The following WDFY2 variants were observed in gnomAD, a reference collection of about 807,000 sequenced individuals.
WDFY2 encodes the protein WD repeat and FYVE domain-containing protein 2.
Under a neutral mutation model 56.4 loss-of-function variants are expected in WDFY2, and 36 were observed. The observed-to-expected ratio is 0.64, with a 90% confidence interval of 0.49 to 0.84. The LOEUF is 0.84. Among genes scored for constraint, WDFY2 ranks in the 40% least tolerant of loss-of-function variants. The pLI is 0.00. For synonymous variants in WDFY2, 176 were observed against 183.7 expected (o/e 0.96, Z 0.34); for missense variants, 444 against 512.2 (o/e 0.87, Z 1.29).
intron 4 of WDFY2, among the ~76,000 whole-genome samples, chr13:51,709,520 A>G (rs1952161570): frequency 6.6e-6 from 1 of 152,188 alleles, no homozygotes; most frequent in Admixed American, 6.5e-5. Context: ...AAGATCAACA[A>G]AATTGATAGA....
intron 3 of WDFY2, among the ~76,000 whole-genome samples, chr13:51,702,993 G>A (rs576351343): frequency 5.3e-5 from 8 of 152,154 alleles, no homozygotes; most frequent in South Asian, 2.1e-4. Context: ...TATAATGCGC[G>A]ATACAGAAAC....
At chr13:51,627,391 G>A (rs1487339400) in intron 1 of WDFY2, among the ~76,000 whole-genome samples, 3 of 152,058 alleles carry the variant, frequency 2.0e-5, no homozygotes, top group Admixed American at 6.5e-5. Context: ...TTTTTTTAAT[G>A]GAGTCTTGCT....
intron 3 of WDFY2, among the ~76,000 whole-genome samples, chr13:51,701,716 C>A (rs561135961): frequency 1.3e-5 from 2 of 151,978 alleles, no homozygotes; most frequent in South Asian, 2.1e-4. Context: ...TTATTTTATA[C>A]CTTACATTGT....
rs527396672 is a variant in WDFY2, at chr13:51,732,001, T to C, written c.598+4211T>C. 3.9e-5 allele frequency among the ~76,000 whole-genome samples: 6 copies of C among 152,372 alleles called. 1 individual carries two copies. In the East Asian group the frequency reaches 1.2e-3, roughly 29 times the overall value. On this transcript the variant is annotated intron_variant, in intron 6 of 11. Transcript: ENST00000298125. ...CTAGGGATTTAGGAAACTAGTTTTA[T>C]GTTCTTATGCTCCCTCTACTGGTTT...
chr13:51,709,719 C>T (rs1952166839), intron 4 of WDFY2, among the ~76,000 whole-genome samples: 1 of 152,136 alleles, frequency 6.6e-6, no homozygotes, highest in African/African-American at 2.4e-5. Flanking sequence ...CATACACCCT[C>T]CCAAGACTAA....
chr13:51,677,404 T>A (rs1485772619), intron 3 of WDFY2, among the ~76,000 whole-genome samples: 1 of 152,244 alleles, frequency 6.6e-6, no homozygotes, highest in Non-Finnish European at 1.5e-5. Flanking sequence ...TGTTTAAGGT[T>A]CAGGATTCAC....
intron 7 of WDFY2, among the ~76,000 whole-genome samples, chr13:51,744,335 T>C (rs1953045455): frequency 6.6e-6 from 1 of 152,230 alleles, no homozygotes; most frequent in African/African-American, 2.4e-5. Context: ...GTTGGGCAGA[T>C]GTTAGCTTGT....
chr13:51,624,537 C>CAAATAGT (rs1954805217), intron 1 of WDFY2, among the ~76,000 whole-genome samples: 2 of 152,160 alleles, frequency 1.3e-5, no homozygotes, highest in South Asian at 4.1e-4. Context: ...TATTAGTAAA[C>CAAATAGT]AAACAAAGAT....
At chr13:51,724,504 T>G (rs1952563023) in intron 5 of WDFY2, among the ~76,000 whole-genome samples, 1 of 152,232 alleles carries the variant, frequency 6.6e-6, no homozygotes, top group Non-Finnish European at 1.5e-5. Context: ...CCCAGAGTGC[T>G]GGGATTACAG....
chr13:51,738,613 A>G (rs1002122380), intron 6 of WDFY2, among the ~76,000 whole-genome samples: 1 of 152,232 alleles, frequency 6.6e-6, no homozygotes, highest in Non-Finnish European at 1.5e-5. Context: ...TGGCCTAATT[A>G]AATCTGATAT....
At chr13:51,683,448 T>C (rs1293313900) in intron 3 of WDFY2, among the ~76,000 whole-genome samples, 1 of 152,244 alleles carries the variant, frequency 6.6e-6, no homozygotes, top group Non-Finnish European at 1.5e-5. Flanking sequence ...AGGTGAACCA[T>C]GGTTCCCATG....
intron 1 of WDFY2, chr13:51,589,080 G>C (rs1953997673): frequency 1.3e-5 from 2 of 152,102 alleles, no homozygotes. Context: ...TTAAGAGAGG[G>C]GTGAGATTTT....
At chr13:51,621,350 C>T (rs545140378) in intron 1 of WDFY2, among the ~76,000 whole-genome samples, 1 of 152,188 alleles carries the variant, frequency 6.6e-6, no homozygotes, top group South Asian at 2.1e-4. Context: ...ACTGAAAATA[C>T]AAAAATTAGC....
At chr13:51,648,959 C>T (rs1200643433) in intron 1 of WDFY2, among the ~76,000 whole-genome samples, 1 of 152,026 alleles carries the variant, frequency 6.6e-6, no homozygotes, top group Non-Finnish European at 1.5e-5. Flanking sequence ...CCAGCCAAGC[C>T]AATATGGTGA....
chr13:51,733,120 C>T (rs950237078), intron 6 of WDFY2, among the ~76,000 whole-genome samples: 1 of 152,200 alleles, frequency 6.6e-6, no homozygotes, highest in Non-Finnish European at 1.5e-5. Context: ...ACTGCAACCT[C>T]CATCTCTTGG....
intron 4 of WDFY2, among the ~76,000 whole-genome samples, chr13:51,718,559 T>TATAC (rs1952414082): frequency 7.2e-6 from 1 of 138,684 alleles, no homozygotes; most frequent in Non-Finnish European, 1.6e-5. Flanking sequence ...TTATCATTCA[T>TATAC]ACACACACAC....
intron 3 of WDFY2, among the ~76,000 whole-genome samples, chr13:51,690,295 C>T (rs1956130339): frequency 6.6e-6 from 1 of 151,128 alleles, no homozygotes; most frequent in African/African-American, 2.4e-5. Flanking sequence ...GCTGCATCCA[C>T]TAACTCGTCA....
intron 1 of WDFY2, among the ~76,000 whole-genome samples, chr13:51,604,633 A>C (rs1954351368): frequency 6.6e-6 from 1 of 152,210 alleles, no homozygotes; most frequent in Admixed American, 6.5e-5. Context: ...TAAATTAATT[A>C]AAATTAAATA....
chr13:51,680,006 C>A (rs541632851), intron 3 of WDFY2, among the ~76,000 whole-genome samples: 2 of 152,156 alleles, frequency 1.3e-5, no homozygotes, highest in Non-Finnish European at 2.9e-5. Flanking sequence ...CTCACTGCAG[C>A]CTTGAGCTCC....
Sources: gnomAD v4.1 joint callset for allele counts (sites outside exome capture counted in the v4.1 genomes callset) on GRCh38, gnomAD v4.1.1 for gene constraint, MANE v1.5 for transcripts, NCBI Gene and HGNC (gene_info 2026-07-23, HGNC 2026-07-21) for gene names.